The following GRIK3 variants were observed in gnomAD, a reference collection of about 807,000 sequenced individuals.
GRIK3 encodes the protein glutamate receptor ionotropic, kainate 3.
GRIK3 carries 29 observed loss-of-function variants against 102.5 expected under a neutral mutation model. The observed-to-expected ratio is 0.28, with a 90% CI of 0.21 to 0.39. GRIK3 has a LOEUF of 0.39. Ranked by LOEUF, GRIK3 falls within the 10% of genes least tolerant of loss-of-function variation. GRIK3 has a pLI of 1.00. For missense variants in GRIK3, 908 were observed against 1,252.4 expected, an observed-to-expected ratio of 0.73 and a Z score of 4.15; for synonymous variants, 511 against 504.9, an observed-to-expected ratio of 1.01 and a Z score of -0.16.
chr1:36,865,797 G>C (rs540043692), intron 5 of GRIK3, among the ~76,000 whole-genome samples: 78 of 152,344 alleles, frequency 5.1e-4, no homozygotes, highest in Non-Finnish European at 8.5e-4. Flanking sequence ...CTGATGCCAG[G>C]TTTCCCCACC....
At chr1:36,930,478 A>T (rs1641575372) in intron 1 of GRIK3, among the ~76,000 whole-genome samples, 1 of 152,246 alleles carries the variant, frequency 6.6e-6, no homozygotes, top group Non-Finnish European at 1.5e-5. Context: ...CTAATTTTAT[A>T]GATGAGAAAA....
At chr1:36,816,050 G>C (rs944095386) in intron 13 of GRIK3, among the ~76,000 whole-genome samples, 3 of 152,108 alleles carry the variant, frequency 2.0e-5, no homozygotes, top group African/African-American at 7.2e-5. Context: ...TGCCTGGCCT[G>C]CAAGCTGTGT....
Position 36,880,535 on chromosome 1 carries a change from C to T in GRIK3, c.550+99G>A. The T allele has an allele frequency of 2.5e-6, 3 of 1,218,898 alleles. No homozygotes were observed. The highest frequency in any genetic ancestry group is 2.3e-5 in the East Asian group (1 of 42,952). 75.5% of individuals were successfully genotyped at this position (1,218,898 alleles called of 1,614,324 possible). A position where few individuals can be genotyped will look rare whatever the true frequency, so the allele number is the denominator to read the frequency against. On this transcript the variant is annotated intron_variant, in intron 3 of 15. Coordinates refer to ENST00000373091, the MANE Select transcript of GRIK3 (RefSeq NM_000831.4). The surrounding 1 kb of genome is among the most constrained non-coding windows in gnomAD (Gnocchi z 5.4). ...CTGGGGTATGGAACACAGCCTCTTC[C>T]CCCAGGGCAGCTGTGCTGAACAAAC...
chr1:36,999,345 C>T (rs1642452045), intron 1 of GRIK3, among the ~76,000 whole-genome samples: 1 of 152,048 alleles, frequency 6.6e-6, no homozygotes, highest in Non-Finnish European at 1.5e-5. Flanking sequence ...GCAGATGCTG[C>T]TTTCTCAAAA....
chr1:36,826,297 C>T (rs1029255457), intron 10 of GRIK3, among the ~76,000 whole-genome samples: 1 of 152,216 alleles, frequency 6.6e-6, no homozygotes, highest in Non-Finnish European at 1.5e-5. Context: ...GACTGCTTCA[C>T]CACATTCTGG....
At chr1:36,830,367 C>G (rs1267797283) in intron 10 of GRIK3, among the ~76,000 whole-genome samples, 11 of 117,970 alleles carry the variant, frequency 9.3e-5, no homozygotes, top group Non-Finnish European at 2.0e-4. Flanking sequence ...TGCCCCCCCA[C>G]CCCCAATTAT....
chr1:37,022,385 G>T (rs1002424174), intron 1 of GRIK3, among the ~76,000 whole-genome samples: 4 of 152,178 alleles, frequency 2.6e-5, no homozygotes, highest in African/African-American at 9.7e-5. Flanking sequence ...AGAGGGGTGA[G>T]GTCAGAAAAG....
intron 1 of GRIK3, among the ~76,000 whole-genome samples, chr1:36,982,129 C>A (rs1642256286): frequency 2.0e-5 from 3 of 152,172 alleles, no homozygotes; most frequent in South Asian, 2.1e-4. Context: ...GTTAGGACAT[C>A]CCACGCGGCA....
intron 1 of GRIK3, among the ~76,000 whole-genome samples, chr1:36,905,607 ATTAT>A (rs1384432743): frequency 1.3e-5 from 2 of 152,214 alleles, no homozygotes; most frequent in Non-Finnish European, 2.9e-5. Flanking sequence ...CAGTATGATA[ATTAT>A]TTATCAAACA....
chr1:36,986,329 A>C (rs1642303623), intron 1 of GRIK3, among the ~76,000 whole-genome samples: 1 of 151,842 alleles, frequency 6.6e-6, no homozygotes, highest in African/African-American at 2.4e-5. Context: ...CTGTTCATCC[A>C]TCTGTCCGCC....
intron 1 of GRIK3, among the ~76,000 whole-genome samples, chr1:36,966,065 C>A (rs1281641158): frequency 2.0e-5 from 3 of 152,186 alleles, no homozygotes; most frequent in Non-Finnish European, 4.4e-5. Flanking sequence ...CTGTTTTGCT[C>A]TAGAAGAGAA....
intron 1 of GRIK3, among the ~76,000 whole-genome samples, chr1:37,000,520 T>C (rs1394852509): frequency 6.6e-6 from 1 of 152,174 alleles, no homozygotes; most frequent in African/African-American, 2.4e-5. Flanking sequence ...AGAGGTAAAA[T>C]AACTTGCCCA....
intron 2 of GRIK3, among the ~76,000 whole-genome samples, chr1:36,888,582 T>C (rs997518640): frequency 2.6e-5 from 4 of 152,186 alleles, no homozygotes; most frequent in African/African-American, 9.7e-5. Context: ...TGTTGCTTCA[T>C]CCACTAGATT....
At chr1:36,982,037 G>A (rs74648763) in intron 1 of GRIK3, among the ~76,000 whole-genome samples, 2 of 152,242 alleles carry the variant, frequency 1.3e-5, no homozygotes, top group Non-Finnish European at 2.9e-5. Context: ...GGCACCCAGC[G>A]CTGCTCCCAG....
chr1:36,897,065 GC>G (rs1485425215), intron 1 of GRIK3, among the ~76,000 whole-genome samples: 1 of 152,150 alleles, frequency 6.6e-6, no homozygotes, highest in African/African-American at 2.4e-5. Context: ...GAGACTGAAA[GC>G]TTTTCCTCTA....
chr1:36,819,695 A>T lies in GRIK3; in HGVS notation c.1873+41T>A. 1 of 1,050,862 alleles carries T rather than the reference A, an allele frequency of 9.5e-7. No homozygotes were observed. Among genetic ancestry groups the T allele is most frequent in the Non-Finnish European group, 1.5e-6 (1 of 666,194 alleles). 65.1% of individuals were successfully genotyped at this position (1,050,862 alleles called of 1,614,324 possible). A position where few individuals can be genotyped will look rare whatever the true frequency, so the allele number is the denominator to read the frequency against. On this transcript the variant is annotated intron_variant, in intron 12 of 15. Transcript: ENST00000373091. This position sits in a 1 kb window ranked among gnomAD's most constrained non-coding sequence, Gnocchi z 4.1. ...AAGAGGCTGAAGACCGCTTGGGGAA[A>T]GCAGACCCTGGAAGGGGAGGCCCTG...
intron 5 of GRIK3, among the ~76,000 whole-genome samples, chr1:36,864,842 T>A (rs373254966): frequency 2.0e-4 from 22 of 109,260 alleles, no homozygotes; most frequent in African/African-American, 8.7e-4. Flanking sequence ...TCCAGCTCCA[T>A]TTTTTTTTTT....
At chr1:36,993,963 C>T (rs1253805396) in intron 1 of GRIK3, among the ~76,000 whole-genome samples, 1 of 152,214 alleles carries the variant, frequency 6.6e-6, no homozygotes, top group African/African-American at 2.4e-5. Context: ...CCTTCTTCCC[C>T]AGGGGAGGAT....
At chr1:36,971,854 T>C (rs781025759) in intron 1 of GRIK3, among the ~76,000 whole-genome samples, 16 of 152,112 alleles carry the variant, frequency 1.1e-4, no homozygotes, top group Non-Finnish European at 2.2e-4. Context: ...GCAGCCACAT[T>C]ATATAAACGG....
Sources: gnomAD v4.1 joint callset for allele counts (sites outside exome capture counted in the v4.1 genomes callset) on GRCh38, gnomAD v4.1.1 for gene constraint, Gnocchi (gnomAD v3.1) non-coding constraint, MANE v1.5 for transcripts, NCBI Gene and HGNC (gene_info 2026-07-23, HGNC 2026-07-21) for gene names.